BCKDHB: variants seen among roughly 807,000 people sequenced by gnomAD.
The protein encoded by BCKDHB is branched chain keto acid dehydrogenase E1 subunit beta, also known as 2-oxoisovalerate dehydrogenase subunit beta, mitochondrial.
A neutral mutation model predicts 48.5 loss-of-function variants in BCKDHB; 41 were observed. That is an observed-to-expected ratio of 0.85 (90% confidence interval 0.66 to 1.10). The LOEUF (loss-of-function observed/expected upper bound fraction) is 1.10. Ranked by LOEUF, BCKDHB falls within the 50% of genes least tolerant of loss-of-function variation. The pLI is 0.00. For synonymous variants in BCKDHB, 201 were observed against 174.8 expected (o/e 1.15, Z -1.18); for missense variants, 496 against 494.2 (o/e 1.00, Z -0.03).
At chr6:80,399,906 T>C in the BCKDHB span, among the ~76,000 whole-genome samples, 1 of 151,974 alleles carries the variant, frequency 6.6e-6, no homozygotes, top group Non-Finnish European at 1.5e-5. Context: ...TGGAATAGAA[T>C]AGAGAGCCTA....
At chr6:80,252,468 A>G (rs1776875227) in intron 8 of BCKDHB, among the ~76,000 whole-genome samples, 1 of 152,156 alleles carries the variant, frequency 6.6e-6, no homozygotes, top group Non-Finnish European at 1.5e-5. Flanking sequence ...CTTAGTTGTA[A>G]AACCACATTT....
intron 9 of BCKDHB, among the ~76,000 whole-genome samples, chr6:80,324,966 G>A (rs1441728013): frequency 1.3e-5 from 2 of 152,214 alleles, no homozygotes; most frequent in African/African-American, 4.8e-5. Context: ...CTGGTAGACA[G>A]CCAGTACTAC....
chr6:80,420,134 A>T, the BCKDHB span, among the ~76,000 whole-genome samples: 1 of 152,156 alleles, frequency 6.6e-6, no homozygotes, highest in Non-Finnish European at 1.5e-5. Flanking sequence ...TCTTTGGCAG[A>T]CAATTTTTGA....
intron 9 of BCKDHB, among the ~76,000 whole-genome samples, chr6:80,309,578 G>GTTTT (rs1352477805): frequency 1.3e-5 from 2 of 151,416 alleles, no homozygotes; most frequent in African/African-American, 4.9e-5. Context: ...TTGGCCTGTG[G>GTTTT]TTTTTTTTGT....
At chr6:80,248,565 G>C (rs939728149) in intron 8 of BCKDHB, among the ~76,000 whole-genome samples, 1 of 152,150 alleles carries the variant, frequency 6.6e-6, no homozygotes, top group South Asian at 2.1e-4. Flanking sequence ...CTTCTGGCTT[G>C]ACTACAGGAT....
chr6:80,306,853 T>G (rs890762098), intron 9 of BCKDHB, among the ~76,000 whole-genome samples: 5 of 152,176 alleles, frequency 3.3e-5, no homozygotes, highest in Non-Finnish European at 7.4e-5. Flanking sequence ...CTGGAGGCTC[T>G]TCTTCTGGAG....
intron 8 of BCKDHB, among the ~76,000 whole-genome samples, chr6:80,270,309 A>G (rs1046950541): frequency 1.3e-5 from 2 of 151,912 alleles, no homozygotes; most frequent in African/African-American, 4.8e-5. Context: ...GACATTGGCA[A>G]TGATTTTTAA....
the BCKDHB span, among the ~76,000 whole-genome samples, chr6:80,465,185 A>T: frequency 6.6e-6 from 1 of 152,150 alleles, no homozygotes; most frequent in African/African-American, 2.4e-5. Context: ...GGAGTCAGAG[A>T]CTGTGGGCTT....
chr6:80,360,787 C>T, the BCKDHB span, among the ~76,000 whole-genome samples: 4 of 151,930 alleles, frequency 2.6e-5, no homozygotes, highest in African/African-American at 4.8e-5. Flanking sequence ...GGGCGACTCA[C>T]TTGGGGTCAG....
At position 80,343,900 on chromosome 6, in the gene BCKDHB, G is replaced by C. The variant is rs1222612774; in HGVS notation, c.*96G>C. On this transcript the variant is annotated 3_prime_UTR_variant, in exon 10 of 10. Coordinates refer to ENST00000320393, the MANE Select transcript of BCKDHB (RefSeq NM_183050.4). ...CACAGCAATCATCAGTGTTTTGATGGTAACAAACTTTGATGGTAAAGTTGG... is the reference window on the plus strand; with the variant it reads ...CACAGCAATCATCAGTGTTTTGATGCTAACAAACTTTGATGGTAAAGTTGG... 1 of 1,481,900 alleles carries C rather than the reference G, an allele frequency of 6.7e-7. No homozygotes were observed. 91.8% of individuals were successfully genotyped at this position (1,481,900 alleles called of 1,614,324 possible).
intron 8 of BCKDHB, among the ~76,000 whole-genome samples, chr6:80,267,053 A>G (rs1777543928): frequency 6.6e-6 from 1 of 152,010 alleles, no homozygotes; most frequent in Admixed American, 6.6e-5. Context: ...GTCCTTTTCT[A>G]AGCTGTTTAT....
intron 3 of BCKDHB, among the ~76,000 whole-genome samples, chr6:80,157,944 C>T (rs946227843): frequency 2.0e-5 from 3 of 152,132 alleles, no homozygotes; most frequent in Non-Finnish European, 2.9e-5. Context: ...GGTGTTACCA[C>T]GTCATGATTG....
Position 80,129,348 on chromosome 6 carries a change from T to C in BCKDHB, c.343+119T>C. 3.7e-6 allele frequency: 3 copies of C among 810,288 alleles called. No individual in the cohort carries two copies. The South Asian group carries it at 4.7e-5, about 13-fold the overall frequency. 50.2% of individuals were successfully genotyped at this position (810,288 alleles called of 1,614,324 possible). A position where few individuals can be genotyped will look rare whatever the true frequency, so the allele number is the denominator to read the frequency against. On this transcript the variant is annotated intron_variant, in intron 3 of 9. Transcript: ENST00000320393. ...CCCCATTGTATGGATGAATTCCTTT[T>C]CATTTCCAACGCCACCCGCAGAATC...
Position 80,291,799 on chromosome 6 carries a change from A to G in BCKDHB, c.1038+18578A>G, listed in dbSNP as rs535706708. On this transcript the variant is annotated intron_variant, in intron 9 of 9. Coordinates refer to ENST00000320393, the MANE Select transcript of BCKDHB (RefSeq NM_183050.4). ...AGTGTACCACAGTTCTTGAAACATA[A>G]TTTTTTTCGTCTCTTCAGTTTTATA... Among the ~76,000 whole-genome samples the G allele has an allele frequency of 2.6e-5, 4 of 152,254 alleles. No homozygotes were observed. In the South Asian group the frequency reaches 8.3e-4, roughly 32 times the overall value.
intron 1 of BCKDHB, among the ~76,000 whole-genome samples, chr6:80,122,714 G>C (rs1770095978): frequency 6.6e-6 from 1 of 152,128 alleles, no homozygotes; most frequent in Admixed American, 6.6e-5. Context: ...GACCTAACAG[G>C]ACAAAAGGCA....
At chr6:80,173,902 G>A (rs1229911231) in intron 6 of BCKDHB, among the ~76,000 whole-genome samples, 5 of 151,150 alleles carry the variant, frequency 3.3e-5, no homozygotes. Context: ...CAAACATACA[G>A]TTGTTTGGAA....
At chr6:80,270,435 G>A (rs374579667) in intron 8 of BCKDHB, among the ~76,000 whole-genome samples, 4 of 152,172 alleles carry the variant, frequency 2.6e-5, no homozygotes, top group East Asian at 3.9e-4. Context: ...GATTGTGATT[G>A]TTACTTCTGA....
the BCKDHB span, among the ~76,000 whole-genome samples, chr6:80,416,020 T>C: frequency 6.8e-6 from 1 of 147,468 alleles, no homozygotes; most frequent in Admixed American, 6.8e-5. Flanking sequence ...TTCTTCAGGA[T>C]TTTTTTTTAT....
intron 8 of BCKDHB, among the ~76,000 whole-genome samples, chr6:80,222,612 T>A (rs1179147315): frequency 1.3e-5 from 2 of 152,208 alleles, no homozygotes; most frequent in Non-Finnish European, 2.9e-5. Context: ...GTCTTTTAAG[T>A]CTGCCTTGGA....
Sources: gnomAD v4.1 joint callset for allele counts (sites outside exome capture counted in the v4.1 genomes callset) on GRCh38, gnomAD v4.1.1 for gene constraint, MANE v1.5 for transcripts, NCBI Gene and HGNC (gene_info 2026-07-23, HGNC 2026-07-21) for gene names.